POU6F2: variants seen among roughly 807,000 people sequenced by gnomAD.
The protein encoded by POU6F2 is POU class 6 homeobox 2.
Under a neutral mutation model 71.3 loss-of-function variants are expected in POU6F2, and 31 were observed. The ratio of observed to expected loss-of-function variants is 0.43; its 90% CI spans 0.33 to 0.59. The LOEUF is 0.59. Among genes scored for constraint, POU6F2 ranks in the 20% least tolerant of loss-of-function variants. The probability of loss-of-function intolerance (pLI) is 0.04; values close to 1 mark genes in which losing one functional copy is unlikely to be tolerated. For synonymous variants in POU6F2, 347 were observed against 355.7 expected, an observed-to-expected ratio of 0.98 and a Z score of 0.27; for missense variants, 783 against 856.8, an observed-to-expected ratio of 0.91 and a Z score of 1.07.
At chr7:39,309,013 C>A (rs189704680) in intron 4 of POU6F2, among the ~76,000 whole-genome samples, 8 of 152,366 alleles carry the variant, frequency 5.3e-5, no homozygotes, top group Admixed American at 1.3e-4. Flanking sequence ...ATGAGGTTTT[C>A]TACACAGATG....
chr7:39,225,468 T>A (rs914774004), intron 4 of POU6F2, among the ~76,000 whole-genome samples: 1 of 152,228 alleles, frequency 6.6e-6, no homozygotes, highest in Non-Finnish European at 1.5e-5. Context: ...ATTCTCAGTG[T>A]ACTGGGGTTG....
chr7:39,079,850 C>T (rs1288662396), intron 1 of POU6F2, among the ~76,000 whole-genome samples: 1 of 152,088 alleles, frequency 6.6e-6, no homozygotes, highest in Non-Finnish European at 1.5e-5. Flanking sequence ...TGCATGTATA[C>T]GCTTTATAGT....
Position 39,461,006 on chromosome 7 carries a change from C to T in POU6F2, c.1658+291C>T, listed in dbSNP as rs142606523. On this transcript the variant is annotated intron_variant, in intron 9 of 9. Coordinates refer to ENST00000518318, the MANE Select transcript of POU6F2 (RefSeq NM_001370959.1). ...GGGCCTTCCTCCTGGGCCCACACTC[C>T]TATGCAGCTGAGAGCCACCGACTTT... Among the ~76,000 whole-genome samples the T allele has an allele frequency of 1.5e-3, 223 of 152,274 alleles. 1 individual carries two copies. The highest frequency in any genetic ancestry group is 5.3e-3 in the African/African-American group (220 of 41,560).
At chr7:39,366,575 A>AAGCAAGATCCCC (rs1178042927) in intron 5 of POU6F2, among the ~76,000 whole-genome samples, 1 of 152,184 alleles carries the variant, frequency 6.6e-6, no homozygotes, top group Non-Finnish European at 1.5e-5. Flanking sequence ...AACGACCAGC[A>AAGCAAGATCCCC]AGCAAGATCC....
intron 7 of POU6F2, 82 bp from the exon 8 acceptor site, chr7:39,451,451 C>A (rs889454601): frequency 7.4e-7 from 1 of 1,350,460 alleles, no homozygotes; most frequent in Non-Finnish European, 1.0e-6. Context: ...ATGATTCACT[C>A]CCAGATAAAA....
intron 4 of POU6F2, among the ~76,000 whole-genome samples, chr7:39,212,793 A>G (rs1365157199): frequency 6.6e-6 from 1 of 152,252 alleles, no homozygotes; most frequent in Non-Finnish European, 1.5e-5. Flanking sequence ...AGATAGCTGT[A>G]CTAAAGATGT....
At chr7:39,166,695 G>GATCCTTGTTT (rs1793122955) in intron 2 of POU6F2, among the ~76,000 whole-genome samples, 1 of 152,134 alleles carries the variant, frequency 6.6e-6, no homozygotes, top group Non-Finnish European at 1.5e-5. Context: ...TTACCACTGT[G>GATCCTTGTTT]ATCCTTGTTT....
chr7:39,201,758 C>T (rs1002917651), intron 2 of POU6F2, among the ~76,000 whole-genome samples: 14 of 152,198 alleles, frequency 9.2e-5, no homozygotes, highest in Admixed American at 9.2e-4. Context: ...TCTCTGCAAA[C>T]GTTCAGCTAA....
At position 39,202,714 on chromosome 7, in the gene POU6F2, GTCT is replaced by G. The variant is rs1194026490; in HGVS notation, c.278-1517_278-1515del. Among the ~76,000 whole-genome samples, 4 of 152,176 alleles carry G rather than the reference GTCT, an allele frequency of 2.6e-5. No homozygotes were observed. In the East Asian group the frequency reaches 5.8e-4, roughly 22 times the overall value. Reference sequence around the variant, plus strand: ...CACATCTAAAAAATTTAGAAGAAAGGTCTTCTGCACATTATGAGGAAGTGGTTG... The same window carrying G: ...CACATCTAAAAAATTTAGAAGAAAGGTCTGCACATTATGAGGAAGTGGTTG... On this transcript the variant is annotated intron_variant, in intron 2 of 9. Coordinates refer to ENST00000518318, the MANE Select transcript of POU6F2 (RefSeq NM_001370959.1).
chr7:39,452,854 A>C (rs1788694143), intron 8 of POU6F2, among the ~76,000 whole-genome samples: 2 of 152,192 alleles, frequency 1.3e-5, no homozygotes, highest in South Asian at 4.1e-4. Flanking sequence ...GCACTTTGGG[A>C]GGACAAGGCG....
At position 39,433,259 on chromosome 7, in the gene POU6F2, G is replaced by C; in HGVS notation, c.1296G>C (p.Leu432=). The C allele has an allele frequency of 6.2e-7, 1 of 1,613,940 alleles. No homozygotes were observed. ...TGATCAACACCCAGGGCATCACGCT[G>C]TCACCCATCAAGCCCGGCCAGCAGG... The part of the protein sequence containing the change: ...LPVINTQGIT[L]SPIKPGQQLH... The change falls in exon 7 of 10, where the codon CTG becomes CTC. Residue 432 remains leucine (L), a synonymous_variant. Coordinates refer to ENST00000518318, the MANE Select transcript of POU6F2 (RefSeq NM_001370959.1).
At chr7:39,032,254 G>A (rs925825302) in intron 1 of POU6F2, among the ~76,000 whole-genome samples, 1 of 152,170 alleles carries the variant, frequency 6.6e-6, no homozygotes, top group African/African-American at 2.4e-5. Flanking sequence ...ACCAAATGGT[G>A]GGAGGGACTA....
intron 4 of POU6F2, among the ~76,000 whole-genome samples, chr7:39,247,876 C>T (rs920407308): frequency 2.0e-5 from 3 of 152,268 alleles, no homozygotes; most frequent in South Asian, 2.1e-4. Flanking sequence ...GAAGTTTCCG[C>T]GGTTTTCTTA....
rs2302123 is a variant in POU6F2 at position 39,433,109 on chromosome 7, A to G, written c.1146A>G (p.Pro382=). The change falls in exon 7 of 10, where the codon CCA becomes CCG. Residue 382 remains proline (P), a synonymous_variant. Transcript: ENST00000518318. ...IIGTIPLMPN[P]GPSSQAASGT... is the part of the protein sequence containing the mutation. ...GGACCATTCCACTGATGCCTAATCC[A>G]GGGCCATCGAGCCAAGCAGCAAGCG... The G allele has an allele frequency of 0.28, 454,886 of 1,613,304 alleles. 69,266 individuals carry two copies. Among genetic ancestry groups the G allele is most frequent in the East Asian group, 0.57 (25,682 of 44,774 alleles).
rs566759150 is a variant in POU6F2 at position 39,339,681 on chromosome 7, T to G, written c.638T>G (p.Leu213Arg). Residue 213 changes from leucine (L) to arginine (R), a missense_variant, in exon 5 of 10, where the codon CTC becomes CGC. Around this residue, in one of 2 missense-constraint regions of POU6F2, gnomAD observed 572 missense variants for 572.9 expected, o/e 1.00. Coordinates refer to ENST00000518318, the MANE Select transcript of POU6F2 (RefSeq NM_001370959.1). The part of the protein sequence containing the change: ...SLNSQLQQLQ[L>R]QLQQQQQQQQ... ...AACTCCCAGCTCCAGCAGCTCCAGCTCCAGCTCCAGCAGCAGCAGCAGCAG... is the reference window on the plus strand; with the variant it reads ...AACTCCCAGCTCCAGCAGCTCCAGCGCCAGCTCCAGCAGCAGCAGCAGCAG... 1,581 of 1,601,858 alleles carry G rather than the reference T, an allele frequency of 9.9e-4. 2 individuals are homozygous for G. The highest frequency in any genetic ancestry group is 6.5e-3 in the South Asian group (584 of 90,206).
intron 1 of POU6F2, among the ~76,000 whole-genome samples, chr7:39,078,918 A>C (rs1366798168): frequency 1.3e-5 from 2 of 152,126 alleles, no homozygotes; most frequent in African/African-American, 4.8e-5. Flanking sequence ...ACTCCTTCTC[A>C]AAAAATAAAA....
At chr7:39,235,309 T>C (rs1562757486) in intron 4 of POU6F2, among the ~76,000 whole-genome samples, 1 of 152,198 alleles carries the variant, frequency 6.6e-6, no homozygotes, top group African/African-American at 2.4e-5. Context: ...ATAATAAAAA[T>C]AGCTCCTGAA....
rs1662861756 is a variant in POU6F2, at chr7:39,468,514, G to A, written c.*3828G>A. ...ATCTAGAGCAATATCTGTATGGTCA[G>A]TAAAGCTGCACTTTGTGTATTTCTT... On this transcript the variant is annotated 3_prime_UTR_variant, in exon 10 of 10. Transcript: ENST00000518318. 2 of 151,446 alleles carry A rather than the reference G, an allele frequency of 1.3e-5. No individual in the cohort carries two copies. The highest frequency in any genetic ancestry group is 4.2e-4 in the South Asian group (2 of 4,818). The allele number at this position is 151,446 out of a possible 1,614,324, so 9.4% of individuals were successfully genotyped here. A position where few individuals can be genotyped will look rare whatever the true frequency, so the allele number is the denominator to read the frequency against.
intron 4 of POU6F2, among the ~76,000 whole-genome samples, chr7:39,232,138 T>C (rs1794588568): frequency 6.6e-6 from 1 of 152,216 alleles, no homozygotes; most frequent in Non-Finnish European, 1.5e-5. Flanking sequence ...GATACAAATA[T>C]GTCCCTGAAG....
Sources: gnomAD v4.1 joint callset for allele counts (sites outside exome capture counted in the v4.1 genomes callset) on GRCh38, gnomAD v4.1.1 for gene constraint, gnomAD v4.1.1 regional missense constraint, MANE v1.5 for transcripts, NCBI Gene and HGNC (gene_info 2026-07-23, HGNC 2026-07-21) for gene names.